Variants in CDH9 observed in about 807,000 individuals in gnomAD.
CDH9 encodes the protein cadherin-9.
A neutral mutation model predicts 70.9 loss-of-function variants in CDH9; 28 were observed. The ratio of observed to expected loss-of-function variants is 0.40; its 90% CI spans 0.29 to 0.54. CDH9 has a LOEUF of 0.54. Among genes scored for constraint, CDH9 ranks in the 20% least tolerant of loss-of-function variants. The pLI is 0.59. For synonymous variants in CDH9, 409 were observed against 343.1 expected (o/e 1.19, Z -2.12); for missense variants, 874 against 984.4 (o/e 0.89, Z 1.50).
At chr5:26,887,399 A>G (rs1305314189) in intron 9 of CDH9, among the ~76,000 whole-genome samples, 5 of 151,188 alleles carry the variant, frequency 3.3e-5, no homozygotes, top group African/African-American at 1.2e-4. Context: ...ATGAGGATAT[A>G]CATATACTTA....
rs914739223 is a variant in CDH9 at position 26,951,279 on chromosome 5, A to G, written c.229-35355T>C. On this transcript the variant is annotated intron_variant, in intron 2 of 11. Coordinates refer to ENST00000231021, the MANE Select transcript of CDH9 (RefSeq NM_016279.4). ...TTGCAGTTAGCCTGGGTGACAGAGC[A>G]AGACTCTGTCTCAAAAAAAAAAAAA... Among the ~76,000 whole-genome samples, 65 of 135,660 alleles carry G rather than the reference A, an allele frequency of 4.8e-4. 1 individual carries two copies. The highest frequency in any genetic ancestry group is 3.7e-4 in the Admixed American group (5 of 13,334). 89.0% of individuals were successfully genotyped at this position (135,660 alleles called of 152,430 possible). A position where few individuals can be genotyped will look rare whatever the true frequency, so the allele number is the denominator to read the frequency against.
chr5:27,036,673 T>C (rs1057082099), intron 1 of CDH9, among the ~76,000 whole-genome samples: 1 of 151,946 alleles, frequency 6.6e-6, no homozygotes, highest in Non-Finnish European at 1.5e-5. Flanking sequence ...CTCTAAATCA[T>C]TTTTTCTATT....
chr5:26,885,430 A>G (rs538337194), intron 11 of CDH9, among the ~76,000 whole-genome samples, 184 bp downstream of exon 11: 40 of 152,310 alleles, frequency 2.6e-4, no homozygotes, highest in Non-Finnish European at 5.1e-4. Flanking sequence ...TGGTCTCTGG[A>G]AAGCTGGGCC....
intron 1 of CDH9, among the ~76,000 whole-genome samples, chr5:26,988,847 T>A (rs1029426649): frequency 3.3e-5 from 5 of 151,792 alleles, no homozygotes; most frequent in African/African-American, 1.2e-4. Flanking sequence ...CTGCCCCCTA[T>A]CTTCCTCTTT....
At chr5:26,916,697 G>A (rs1013932553) in intron 2 of CDH9, among the ~76,000 whole-genome samples, 2 of 151,860 alleles carry the variant, frequency 1.3e-5, no homozygotes, top group Non-Finnish European at 2.9e-5. Flanking sequence ...CATGATTAAG[G>A]GGGAACTACT....
intron 4 of CDH9, 40 bp from the exon 5 acceptor site, chr5:26,906,166 C>T: frequency 6.4e-7 from 1 of 1,561,684 alleles, no homozygotes; most frequent in Non-Finnish European, 8.8e-7. Flanking sequence ...AATTAAATCG[C>T]TGAGTTTTAA....
At chr5:26,962,306 T>TGCACAATAAAC (rs1742050674) in intron 2 of CDH9, among the ~76,000 whole-genome samples, 1 of 152,176 alleles carries the variant, frequency 6.6e-6, no homozygotes, top group Admixed American at 6.5e-5. Context: ...GTCTTTATAG[T>TGCACAATAAAC]AGAATGATTT....
At chr5:26,919,485 C>T (rs748073015) in intron 2 of CDH9, among the ~76,000 whole-genome samples, 36 of 152,066 alleles carry the variant, frequency 2.4e-4, no homozygotes, top group African/African-American at 4.8e-4. Flanking sequence ...CTTGAAGGGC[C>T]GTCTAGGCCA....
chr5:26,888,990 C>A (rs945346322), intron 9 of CDH9, among the ~76,000 whole-genome samples: 1 of 152,094 alleles, frequency 6.6e-6, no homozygotes, highest in African/African-American at 2.4e-5. Flanking sequence ...AATACAATGA[C>A]ACTAGGGTTA....
chr5:26,952,099 G>C (rs953837080), intron 2 of CDH9, among the ~76,000 whole-genome samples: 1 of 150,984 alleles, frequency 6.6e-6, no homozygotes, highest in African/African-American at 2.4e-5. Flanking sequence ...TAGTGGCTGA[G>C]ATGACAGGTG....
intron 1 of CDH9, among the ~76,000 whole-genome samples, chr5:27,013,011 C>T (rs373176856): frequency 6.4e-4 from 98 of 151,998 alleles, no homozygotes; most frequent in Admixed American, 2.0e-3. Flanking sequence ...TTATTAAGCA[C>T]GGGCCAGGCC....
chr5:26,961,006 G>A (rs551354210), intron 2 of CDH9, among the ~76,000 whole-genome samples: 4 of 151,764 alleles, frequency 2.6e-5, no homozygotes, highest in African/African-American at 9.7e-5. Flanking sequence ...GATTTCAATG[G>A]CTGGAAAGTA....
intron 2 of CDH9, among the ~76,000 whole-genome samples, chr5:26,982,032 C>T (rs540986953): frequency 6.6e-6 from 1 of 152,252 alleles, no homozygotes; most frequent in East Asian, 1.9e-4. Context: ...AATGTCACTT[C>T]TGTCACTTGT....
chr5:26,967,339 T>G (rs1297533936), intron 2 of CDH9, among the ~76,000 whole-genome samples: 1 of 152,110 alleles, frequency 6.6e-6, no homozygotes, highest in African/African-American at 2.4e-5. Context: ...AAACACTATA[T>G]TTATCTAAGT....
intron 1 of CDH9, among the ~76,000 whole-genome samples, chr5:27,027,933 C>A (rs2112132413): frequency 6.6e-6 from 1 of 152,114 alleles, no homozygotes; most frequent in Middle Eastern, 3.4e-3. Context: ...ATATGAAACT[C>A]TCTATGGATA....
At chr5:26,903,568 T>TCC in intron 6 of CDH9, 69 bp downstream of exon 6, 1 of 1,005,540 alleles carries the variant, frequency 9.9e-7, no homozygotes, top group Non-Finnish European at 1.6e-6. Context: ...AGGCTTTTTT[T>TCC]CCCTTTACTG....
At chr5:26,889,983 T>C (rs201232731) in intron 8 of CDH9, 26 bp from the exon 9 acceptor site, 4 of 1,606,660 alleles carry the variant, frequency 2.5e-6, no homozygotes, top group Non-Finnish European at 2.6e-6. Context: ...GTGTAAGATT[T>C]CAGTCTCATT....
At chr5:26,996,170 A>G (rs998983286) in intron 1 of CDH9, among the ~76,000 whole-genome samples, 7 of 151,952 alleles carry the variant, frequency 4.6e-5, no homozygotes, top group Non-Finnish European at 1.0e-4. Context: ...TTTTCTTCAG[A>G]CAAAGTTTCT....
intron 3 of CDH9, among the ~76,000 whole-genome samples, chr5:26,912,207 T>TATTC (rs1741066216): frequency 6.6e-6 from 1 of 152,094 alleles, no homozygotes; most frequent in South Asian, 2.1e-4. Context: ...TTTATAGATG[T>TATTC]ATTCTTAATT....
Sources: gnomAD v4.1 joint callset for allele counts (sites outside exome capture counted in the v4.1 genomes callset) on GRCh38, gnomAD v4.1.1 for gene constraint, MANE v1.5 for transcripts, NCBI Gene and HGNC (gene_info 2026-07-23, HGNC 2026-07-21) for gene names.